The following RIPOR2 variants were observed in gnomAD, a reference collection of about 807,000 sequenced individuals.
RIPOR2 encodes rho family-interacting cell polarization regulator 2.
Under a neutral mutation model 114.5 loss-of-function variants are expected in RIPOR2, and 39 were observed. That is an observed-to-expected ratio of 0.34 (90% CI 0.26 to 0.44). The LOEUF is 0.44. Among genes scored for constraint, RIPOR2 ranks in the 20% least tolerant of loss-of-function variants. RIPOR2 has a pLI of 1.00. For synonymous variants in RIPOR2, 445 were observed against 484.4 expected (o/e 0.92, Z 1.07); for missense variants, 1,007 against 1,255.1 (o/e 0.80, Z 2.99).
intron 11 of RIPOR2, among the ~76,000 whole-genome samples, chr6:24,848,674 C>T (rs745899589): frequency 6.6e-5 from 10 of 152,216 alleles, no homozygotes; most frequent in South Asian, 2.1e-4. Context: ...TCATGGCACC[C>T]GATTCATCCA....
At chr6:24,882,906 A>G (rs905945233) in intron 1 of RIPOR2, among the ~76,000 whole-genome samples, 1 of 152,228 alleles carries the variant, frequency 6.6e-6, no homozygotes, top group Admixed American at 6.5e-5. Context: ...AGTCCGCATT[A>G]CATGTGCCTT....
chr6:24,869,923 C>T (rs922131387), intron 5 of RIPOR2, among the ~76,000 whole-genome samples: 1 of 152,096 alleles, frequency 6.6e-6, no homozygotes, highest in Non-Finnish European at 1.5e-5. Context: ...TGTGTCATCT[C>T]TTTGAGTTGT....
intron 1 of RIPOR2, among the ~76,000 whole-genome samples, chr6:24,979,305 T>G (rs1194076114): frequency 7.9e-6 from 1 of 126,904 alleles, no homozygotes; most frequent in Non-Finnish European, 1.6e-5. Flanking sequence ...TTTTTTTTTT[T>G]GCTGTTTCCT....
At chr6:24,998,967 T>C (rs1333014599) in intron 1 of RIPOR2, among the ~76,000 whole-genome samples, 4 of 152,148 alleles carry the variant, frequency 2.6e-5, no homozygotes, top group African/African-American at 9.7e-5. Flanking sequence ...GGGATGCATA[T>C]TCCTTTTGCC....
chr6:24,970,326 G>A (rs1160291804), intron 1 of RIPOR2, among the ~76,000 whole-genome samples: 1 of 152,192 alleles, frequency 6.6e-6, no homozygotes, highest in Non-Finnish European at 1.5e-5. Flanking sequence ...TTTTTGTGAG[G>A]TGAGCGGAGG....
At chr6:24,927,679 C>T (rs939831687) in intron 1 of RIPOR2, among the ~76,000 whole-genome samples, 10 of 152,138 alleles carry the variant, frequency 6.6e-5, no homozygotes, top group African/African-American at 2.4e-4. Context: ...TCATAATCAT[C>T]ATCACCATTA....
chr6:25,019,094 C>T (rs979084214), intron 1 of RIPOR2, among the ~76,000 whole-genome samples: 4 of 152,066 alleles, frequency 2.6e-5, no homozygotes, highest in African/African-American at 7.2e-5. Flanking sequence ...AAATAGTGTC[C>T]GGCAACCTTC....
chr6:24,926,732 A>G (rs1368527879), intron 1 of RIPOR2, among the ~76,000 whole-genome samples: 2 of 152,180 alleles, frequency 1.3e-5, no homozygotes. Context: ...TCGCCGTTAC[A>G]TAATAACTGA....
At chr6:24,893,501 C>T (rs1284946783) in intron 1 of RIPOR2, among the ~76,000 whole-genome samples, 3 of 152,130 alleles carry the variant, frequency 2.0e-5, no homozygotes, top group Non-Finnish European at 4.4e-5. Flanking sequence ...AAAGATGAGG[C>T]CATGAGAAGG....
chr6:24,955,316 G>A (rs1023102218), intron 1 of RIPOR2, among the ~76,000 whole-genome samples: 4 of 152,076 alleles, frequency 2.6e-5, no homozygotes, highest in East Asian at 1.9e-4. Context: ...TCCGCTATGC[G>A]TGGCATATTT....
At chr6:24,903,740 A>G (rs925797123) in intron 1 of RIPOR2, among the ~76,000 whole-genome samples, 4 of 152,208 alleles carry the variant, frequency 2.6e-5, no homozygotes, top group Non-Finnish European at 5.9e-5. Context: ...CTAATGTGGT[A>G]AAACAGGCAA....
chr6:24,933,480 T>C (rs1312087104), intron 1 of RIPOR2, among the ~76,000 whole-genome samples: 3 of 152,228 alleles, frequency 2.0e-5, no homozygotes, highest in South Asian at 2.1e-4. Context: ...AGGCAGCAGC[T>C]GGACATGCTT....
intron 1 of RIPOR2, among the ~76,000 whole-genome samples, chr6:25,016,649 CAA>C (rs1043085268): frequency 2.0e-5 from 3 of 152,194 alleles, no homozygotes; most frequent in African/African-American, 7.2e-5. Context: ...CAACACACAA[CAA>C]AAGTCTTGTG....
Position 24,818,564 on chromosome 6 carries a change from C to A in RIPOR2, c.2930G>T (p.Cys977Phe), listed in dbSNP as rs1414902511. Reference protein sequence around the residue: ...KTNLQLQKAACLALKILEATE... With the variant: ...KTNLQLQKAAFLALKILEATE... ...TACCTCAAGGATTTTCAGAGCCAGGCAAGCTGCTTTCTGGAGCTGGAGGTT... is the reference window on the plus strand; with the variant it reads ...TACCTCAAGGATTTTCAGAGCCAGGAAAGCTGCTTTCTGGAGCTGGAGGTT... The change falls in exon 20 of 22, where the codon TGC becomes TTC. Residue 977 changes from cysteine (C) to phenylalanine (F), a missense_variant. Physicochemically the swap from Cys to Phe is radical, Grantham distance 205. Transcript: ENST00000643898. 6.5e-7 allele frequency: 1 copy of A among 1,549,710 alleles called. No individual in the cohort carries two copies. The highest frequency in any genetic ancestry group is 2.0e-5 in the Admixed American group (1 of 50,936).
chr6:24,889,410 A>T (rs1238272312), intron 1 of RIPOR2, among the ~76,000 whole-genome samples: 2 of 152,330 alleles, frequency 1.3e-5, no homozygotes, highest in Middle Eastern at 3.4e-3. Context: ...AAAAGGCTAT[A>T]AGTGACGATG....
chr6:24,930,257 C>A (rs1026007956), intron 1 of RIPOR2, among the ~76,000 whole-genome samples: 1 of 152,156 alleles, frequency 6.6e-6, no homozygotes, highest in African/African-American at 2.4e-5. Context: ...ATTATCATAC[C>A]TACAATGAGT....
In RIPOR2 at chr6:24,809,646, A is replaced by C. The variant is rs55640933; in HGVS notation, c.3043+71T>G. On this transcript the variant is annotated intron_variant, in intron 21 of 21. Coordinates refer to ENST00000643898, the MANE Select transcript of RIPOR2 (RefSeq NM_001286445.3). Reference sequence around the variant, plus strand: ...ACTTCTCCTTACTGGAGAAGGGAACATCTAAATGGGAACATCCGTTAGAGA... The same window carrying C: ...ACTTCTCCTTACTGGAGAAGGGAACCTCTAAATGGGAACATCCGTTAGAGA... 0.34 allele frequency: 342,123 copies of C among 1,021,250 alleles called. 59,431 individuals carry two copies. The highest frequency in any genetic ancestry group is 0.66 in the East Asian group (25,321 of 38,286). The allele number at this position is 1,021,250 out of a possible 1,614,324, so 63.3% of individuals were successfully genotyped here. A position where few individuals can be genotyped will look rare whatever the true frequency, so the allele number is the denominator to read the frequency against.
chr6:24,852,461 A>C (rs1763053139), intron 9 of RIPOR2, 114 bp downstream of exon 9: 1 of 853,274 alleles, frequency 1.2e-6, no homozygotes, highest in East Asian at 2.6e-5. Context: ...AATGTTTTTC[A>C]AAATTAAAAA....
At position 24,927,258 on chromosome 6, in the gene RIPOR2, C is replaced by CACTACAACTACAGTT. The variant is rs1224601479; in HGVS notation, c.61+8579_61+8580insAACTGTAGTTGTAGT. On this transcript the variant is annotated intron_variant, in intron 1 of 21. Transcript: ENST00000643898. The stretch of plus-strand genomic sequence containing the variant: ...CCACAACTACAATCACCACCACCAC[C>CACTACAACTACAGTT]ACCACCACAGCTACAATCACCACCA... 6.3e-4 allele frequency among the ~76,000 whole-genome samples: 96 copies of CACTACAACTACAGTT among 151,660 alleles called. 13 individuals carry two copies. Among genetic ancestry groups the CACTACAACTACAGTT allele is most frequent in the African/African-American group, 1.4e-3 (57 of 41,232 alleles).
Sources: gnomAD v4.1 joint callset for allele counts (sites outside exome capture counted in the v4.1 genomes callset) on GRCh38, gnomAD v4.1.1 for gene constraint, MANE v1.5 for transcripts, NCBI Gene and HGNC (gene_info 2026-07-23, HGNC 2026-07-21) for gene names.